PPP2R2B: variants seen among roughly 807,000 people sequenced by gnomAD.
PPP2R2B encodes the protein serine/threonine-protein phosphatase 2A 55 kDa regulatory subunit B beta isoform.
A neutral mutation model predicts 46.0 loss-of-function variants in PPP2R2B; 5 were observed. That is an observed-to-expected ratio of 0.11 (90% CI 0.06 to 0.23). The LOEUF is 0.23. Ranked by LOEUF, PPP2R2B falls within the 10% of genes least tolerant of loss-of-function variation. The pLI is 1.00. For synonymous variants in PPP2R2B, 215 were observed against 206.7 expected (o/e 1.04, Z -0.34); for missense variants, 367 against 575.0 (o/e 0.64, Z 3.70).
At chr5:146,705,815 C>T (rs939825894) in intron 2 of PPP2R2B, among the ~76,000 whole-genome samples, 4 of 151,950 alleles carry the variant, frequency 2.6e-5, no homozygotes, top group African/African-American at 9.7e-5. Flanking sequence ...GCCAAGATGA[C>T]CTTGTTGAAA....
At chr5:146,932,625 T>G (rs749029478) in intron 1 of PPP2R2B, among the ~76,000 whole-genome samples, 29 of 152,172 alleles carry the variant, frequency 1.9e-4, no homozygotes, top group Non-Finnish European at 3.4e-4. Context: ...AAATTATATT[T>G]CCTTTACAAA....
intron 2 of PPP2R2B, among the ~76,000 whole-genome samples, chr5:146,740,573 T>TCA (rs3995489): frequency 0.019 from 2,617 of 138,048 alleles, 29 homozygotes; most frequent in East Asian, 0.038. Flanking sequence ...TAAAATGAGA[T>TCA]CACACACACA....
At chr5:146,642,185 A>C (rs1317139666) in intron 6 of PPP2R2B, among the ~76,000 whole-genome samples, 1 of 152,198 alleles carries the variant, frequency 6.6e-6, no homozygotes, top group Non-Finnish European at 1.5e-5. Flanking sequence ...GGAAGGCAGA[A>C]GAGGGGAAGG....
chr5:146,795,481 A>T (rs1439788139), intron 2 of PPP2R2B, among the ~76,000 whole-genome samples: 1 of 152,144 alleles, frequency 6.6e-6, no homozygotes, highest in African/African-American at 2.4e-5. Flanking sequence ...AATCTAAAAA[A>T]GTTGAACTCA....
At chr5:146,684,508 C>T (rs777752066) in intron 5 of PPP2R2B, among the ~76,000 whole-genome samples, 5 of 152,162 alleles carry the variant, frequency 3.3e-5, no homozygotes, top group African/African-American at 7.2e-5. Flanking sequence ...GATACCTGGC[C>T]CCTCAGAGCC....
chr5:146,900,554 T>TTCCTTCCTTCCTTCCATC (rs1762795761), intron 1 of PPP2R2B, among the ~76,000 whole-genome samples: 1 of 110,054 alleles, frequency 9.1e-6, no homozygotes, highest in Non-Finnish European at 1.8e-5. Flanking sequence ...TTCCTTCCTT[T>TTCCTTCCTTCCTTCCATC]CTTCCTTCCT....
chr5:146,810,314 G>C (rs186815940), intron 2 of PPP2R2B, among the ~76,000 whole-genome samples: 25 of 152,136 alleles, frequency 1.6e-4, no homozygotes, highest in African/African-American at 6.0e-4. Flanking sequence ...ATATGGTGGC[G>C]GGCAAGAGAA....
At chr5:146,745,442 A>T (rs907215074) in intron 2 of PPP2R2B, among the ~76,000 whole-genome samples, 2 of 152,230 alleles carry the variant, frequency 1.3e-5, no homozygotes, top group Non-Finnish European at 2.9e-5. Context: ...GAAAATAAAT[A>T]TATCAGCATT....
At chr5:146,940,075 A>G (rs1764273317) in intron 1 of PPP2R2B, among the ~76,000 whole-genome samples, 2 of 152,222 alleles carry the variant, frequency 1.3e-5, no homozygotes. Flanking sequence ...TTCAAGTGCC[A>G]TGGAAGTCTA....
At chr5:146,844,458 T>C (rs1759864882) in intron 2 of PPP2R2B, among the ~76,000 whole-genome samples, 1 of 152,074 alleles carries the variant, frequency 6.6e-6, no homozygotes, top group Admixed American at 6.6e-5. Flanking sequence ...TTGCTCTTTC[T>C]CCACCTACAC....
chr5:146,808,428 T>C (rs1365562721), intron 2 of PPP2R2B, among the ~76,000 whole-genome samples: 3 of 152,208 alleles, frequency 2.0e-5, no homozygotes, highest in African/African-American at 7.2e-5. Flanking sequence ...CCTTGTTCTG[T>C]GTTTCACTGC....
intron 5 of PPP2R2B, among the ~76,000 whole-genome samples, chr5:146,655,976 G>T (rs1776303258): frequency 6.6e-6 from 1 of 152,168 alleles, no homozygotes; most frequent in Non-Finnish European, 1.5e-5. Flanking sequence ...AGGAGAGACA[G>T]CAAAGTATAC....
rs149182554 is a variant in PPP2R2B at position 146,791,927 on chromosome 5, C to T, written c.70+86075G>A. Among the ~76,000 whole-genome samples the T allele has an allele frequency of 5.3e-4, 80 of 152,226 alleles. 2 individuals are homozygous for T. The East Asian group carries it at 0.013, about 24-fold the overall frequency. On this transcript the variant is annotated intron_variant, in intron 2 of 9. Coordinates refer to ENST00000394411, the MANE Select transcript of PPP2R2B (RefSeq NM_181675.4). ...CACATGAGAGTGAGGCCCTAATTGG[C>T]CTAATTCATCAGGTATTCCATCTTA...
intron 2 of PPP2R2B, among the ~76,000 whole-genome samples, chr5:146,717,404 C>T (rs1025934610): frequency 3.9e-5 from 6 of 152,304 alleles, no homozygotes; most frequent in South Asian, 2.1e-4. Flanking sequence ...CTATTAAATG[C>T]GTTGGCAAAA....
At chr5:146,771,180 G>C (rs1754832164) in intron 2 of PPP2R2B, among the ~76,000 whole-genome samples, 2 of 152,162 alleles carry the variant, frequency 1.3e-5, no homozygotes, top group Non-Finnish European at 2.9e-5. Context: ...CTAGAAGCAG[G>C]CCTAATCCCA....
At chr5:147,018,043 GCACACACACACA>G (rs60161356) in intron 1 of PPP2R2B, among the ~76,000 whole-genome samples, 2 of 48,246 alleles carry the variant, frequency 4.1e-5, no homozygotes, top group South Asian at 6.5e-4. Context: ...GCATGCGCGC[GCACACACACACA>G]CACACACACA....
intron 7 of PPP2R2B, among the ~76,000 whole-genome samples, chr5:146,617,590 A>C (rs1228172315): frequency 1.3e-5 from 2 of 152,124 alleles, no homozygotes; most frequent in Non-Finnish European, 2.9e-5. Context: ...TAGGTGCTAG[A>C]GTTACAAGAG....
At chr5:147,005,501 C>T (rs1248868307) in intron 1 of PPP2R2B, among the ~76,000 whole-genome samples, 4 of 152,168 alleles carry the variant, frequency 2.6e-5, no homozygotes, top group Non-Finnish European at 5.9e-5. Flanking sequence ...TGGGGGAACC[C>T]CCACTAAATA....
chr5:146,887,427 A>G (rs537064475), intron 1 of PPP2R2B, among the ~76,000 whole-genome samples: 2 of 152,304 alleles, frequency 1.3e-5, no homozygotes, highest in African/African-American at 4.8e-5. Flanking sequence ...ACCAAATAAC[A>G]TTAATCTGAT....
Sources: allele counts gnomAD v4.1 joint callset (sites outside exome capture counted in the v4.1 genomes callset), GRCh38; gene constraint gnomAD v4.1.1; transcripts MANE v1.5; gene names NCBI Gene and HGNC (gene_info 2026-07-23, HGNC 2026-07-21).